CST9: variants seen among roughly 807,000 people sequenced by gnomAD.
The protein encoded by CST9 is cystatin-9.
In CST9, 11 loss-of-function variants were observed where a neutral mutation model predicts 7.7. That is an observed-to-expected ratio of 1.44 (90% CI 0.90 to 2.38). The LOEUF (loss-of-function observed/expected upper bound fraction) is 2.38, where lower values mean the gene tolerates loss of function less well. Among genes scored for constraint, CST9 ranks in the 30% most tolerant of loss-of-function variants. The probability of loss-of-function intolerance (pLI) is 0.00; values close to 1 mark genes in which losing one functional copy is unlikely to be tolerated. For missense variants in CST9, 214 were observed against 199.1 expected (o/e 1.07, Z -0.45); for synonymous variants, 71 against 74.3 (o/e 0.96, Z 0.23).
intron 1 of CST9, among the ~76,000 whole-genome samples, 167 bp downstream of exon 1, chr20:23,605,443 A>G (rs1470688616): frequency 1.3e-5 from 2 of 152,230 alleles, no homozygotes; most frequent in African/African-American, 4.8e-5. Flanking sequence ...TAATTTAAAA[A>G]AAATTTTAAG....
chr20:23,604,274 T>G (rs1193941800), intron 1 of CST9, among the ~76,000 whole-genome samples: 1 of 152,204 alleles, frequency 6.6e-6, no homozygotes, highest in African/African-American at 2.4e-5. Context: ...CCATCTGCCC[T>G]ATTGCAAAGT....
chr20:23,603,165 C>T lies in CST9; in HGVS notation c.*345G>A. 1 of 1,101,346 alleles carries T rather than the reference C, an allele frequency of 9.1e-7. No individual in the cohort carries two copies. The allele number at this position is 1,101,346 out of a possible 1,614,324, so 68.2% of individuals were successfully genotyped here. ...AGCTCGTCCCCTAGAGCAGGTGCTGCAGCTCAGCAGGGCCTAGGAGCGAGG... is the reference window on the plus strand; with the variant it reads ...AGCTCGTCCCCTAGAGCAGGTGCTGTAGCTCAGCAGGGCCTAGGAGCGAGG... On this transcript the variant is annotated 3_prime_UTR_variant, in exon 2 of 2. Transcript: ENST00000376971.
In CST9 at chr20:23,603,462, T is replaced by A; in HGVS notation, c.*48A>T. ...CCCTGGGCTTAATGCCTCACTGGGC[T>A]TCCCACTAAGGCACAAGCAGGGCAG... On this transcript the variant is annotated 3_prime_UTR_variant, in exon 2 of 2. Transcript: ENST00000376971. 6.3e-7 allele frequency: 1 copy of A among 1,598,716 alleles called. No individual in the cohort carries two copies. The highest frequency in any genetic ancestry group is 8.5e-7 in the Non-Finnish European group (1 of 1,171,620).
chr20:23,603,491 G>C lies in CST9; in HGVS notation c.*19C>G. On this transcript the variant is annotated 3_prime_UTR_variant, in exon 2 of 2. Coordinates refer to ENST00000376971, the MANE Select transcript of CST9 (RefSeq NM_001008693.3). ...CACTAAGGCACAAGCAGGGCAGCCT[G>C]GTACAGCCTGCTGTGGGCTCACTTC... 6.2e-7 allele frequency: 1 copy of C among 1,613,030 alleles called. No homozygotes were observed. Among genetic ancestry groups the C allele is most frequent in the Non-Finnish European group, 8.5e-7 (1 of 1,179,418 alleles).
At position 23,605,826 on chromosome 20, in the gene CST9, TGCCCAGG is replaced by T; in HGVS notation, c.32_38del (p.Pro11HisfsTer13). 6.2e-7 allele frequency: 1 copy of T among 1,614,202 alleles called. No individual in the cohort carries two copies. The highest frequency in any genetic ancestry group is 8.5e-7 in the Non-Finnish European group (1 of 1,180,032). On this transcript the variant is annotated frameshift_variant, in exon 1 of 2. Transcript: ENST00000376971. LOFTEE classifies it high-confidence loss of function. Reference sequence around the variant, plus strand: ...GGAAGCCCATGAGAAGCAGTGACAGTGCCCAGGGCATAGCCTTCCTCCTCTGCGGACT... The same window carrying T: ...GGAAGCCCATGAGAAGCAGTGACAGTGCATAGCCTTCCTCCTCTGCGGACT...
chr20:23,603,411 GA>G lies in CST9; in HGVS notation c.*98del. The G allele has an allele frequency of 6.7e-7, 1 of 1,487,354 alleles. No individual in the cohort carries two copies. Among genetic ancestry groups the G allele is most frequent in the Non-Finnish European group, 8.9e-7 (1 of 1,119,412 alleles). The allele number at this position is 1,487,354 out of a possible 1,614,324, so 92.1% of individuals were successfully genotyped here. On this transcript the variant is annotated 3_prime_UTR_variant, in exon 2 of 2. Coordinates refer to ENST00000376971, the MANE Select transcript of CST9 (RefSeq NM_001008693.3). ...TCAGAGGGCAGAATCAGGAAACTCA[GA>G]TTGGCCAGGGGCCTGAAAGTGAACC...
At chr20:23,603,806 A>G in intron 1 of CST9, 72 bp from the exon 2 acceptor site, 4 of 1,481,808 alleles carry the variant, frequency 2.7e-6, no homozygotes, top group Non-Finnish European at 3.7e-6. Flanking sequence ...TGAAGATGCC[A>G]TTTGAGTAGG....
chr20:23,603,129 G>A lies in CST9; in HGVS notation c.*381C>T. ...GAATGGGAAGTTTTCCCAGAGCCAG[G>A]CTTTGCTTGGAGCTCGTCCCCTAGA... On this transcript the variant is annotated 3_prime_UTR_variant, in exon 2 of 2. Coordinates refer to ENST00000376971, the MANE Select transcript of CST9 (RefSeq NM_001008693.3). 2 of 1,047,990 alleles carry A rather than the reference G, an allele frequency of 1.9e-6. No homozygotes were observed. Among genetic ancestry groups the A allele is most frequent in the Non-Finnish European group, 2.3e-6 (2 of 870,402 alleles). 64.9% of individuals were successfully genotyped at this position (1,047,990 alleles called of 1,614,324 possible).
chr20:23,603,122 G>T lies in CST9; in HGVS notation c.*388C>A. ...TGACTAAGAATGGGAAGTTTTCCCAGAGCCAGGCTTTGCTTGGAGCTCGTC... is the reference window on the plus strand; with the variant it reads ...TGACTAAGAATGGGAAGTTTTCCCATAGCCAGGCTTTGCTTGGAGCTCGTC... On this transcript the variant is annotated 3_prime_UTR_variant, in exon 2 of 2. Coordinates refer to ENST00000376971, the MANE Select transcript of CST9 (RefSeq NM_001008693.3). The T allele has an allele frequency of 1.9e-6, 2 of 1,049,138 alleles. No individual in the cohort carries two copies. The highest frequency in any genetic ancestry group is 3.8e-5 in the South Asian group (1 of 26,242). The allele number at this position is 1,049,138 out of a possible 1,614,324, so 65.0% of individuals were successfully genotyped here. A position where few individuals can be genotyped will look rare whatever the true frequency, so the allele number is the denominator to read the frequency against.
chr20:23,605,398 G>C (rs1978733215), intron 1 of CST9, among the ~76,000 whole-genome samples: 1 of 152,054 alleles, frequency 6.6e-6, no homozygotes, highest in African/African-American at 2.4e-5. Context: ...CATGAAGATT[G>C]AAAAATATAT....
Position 23,603,041 on chromosome 20 carries a change from CA to C in CST9, c.*468del. The C allele has an allele frequency of 9.9e-7, 1 of 1,005,800 alleles. No homozygotes were observed. The highest frequency in any genetic ancestry group is 1.2e-6 in the Non-Finnish European group (1 of 842,822). 62.3% of individuals were successfully genotyped at this position (1,005,800 alleles called of 1,614,324 possible). A position where few individuals can be genotyped will look rare whatever the true frequency, so the allele number is the denominator to read the frequency against. ...GGAGAATGTTTTGTCCCAGTGGAAG[CA>C]GTTCCCAGACTTAGGCAATTAGTTA... On this transcript the variant is annotated 3_prime_UTR_variant, in exon 2 of 2. Coordinates refer to ENST00000376971, the MANE Select transcript of CST9 (RefSeq NM_001008693.3).
rs531795996 is a variant in CST9 at position 23,602,894 on chromosome 20, C to A, written c.*616G>T. 18 of 987,902 alleles carry A rather than the reference C, an allele frequency of 1.8e-5. No individual in the cohort carries two copies. In the East Asian group the frequency reaches 1.5e-3, roughly 81 times the overall value. The allele number at this position is 987,902 out of a possible 1,614,324, so 61.2% of individuals were successfully genotyped here. On this transcript the variant is annotated 3_prime_UTR_variant, in exon 2 of 2. Transcript: ENST00000376971. ...GCCTGAGGCCAATCCTGAACTACAA[C>A]GTGATTTGAGGCTCCCTCCCTCCTT... is the stretch of plus-strand genomic sequence containing the variant.
rs544284699 is a variant in CST9, at chr20:23,602,747, G to A, written c.*763C>T. ...AACAAACAGGAAGAGACAGTAGGGC[G>A]GGGTTTGGGGAGGTTCGGGAATCTT... On this transcript the variant is annotated 3_prime_UTR_variant, in exon 2 of 2. Coordinates refer to ENST00000376971, the MANE Select transcript of CST9 (RefSeq NM_001008693.3). 5.8e-5 allele frequency: 57 copies of A among 985,582 alleles called. No homozygotes were observed. Among genetic ancestry groups the A allele is most frequent in the African/African-American group, 4.9e-4 (28 of 57,372 alleles). 61.1% of individuals were successfully genotyped at this position (985,582 alleles called of 1,614,324 possible).
chr20:23,605,534 C>T lies in CST9; in HGVS notation c.255+76G>A, dbSNP rs1304217196. ...GGACTGCTGATGGTGAACCAAGTCT[C>T]CTAGACTAGACATCTTGGTCCCTCA... On this transcript the variant is annotated intron_variant, in intron 1 of 1. Coordinates refer to ENST00000376971, the MANE Select transcript of CST9 (RefSeq NM_001008693.3). 4.6e-6 allele frequency: 7 copies of T among 1,517,476 alleles called. No individual in the cohort carries two copies. In the Admixed American group the frequency reaches 5.4e-5, roughly 12 times the overall value. 94.0% of individuals were successfully genotyped at this position (1,517,476 alleles called of 1,614,324 possible). A position where few individuals can be genotyped will look rare whatever the true frequency, so the allele number is the denominator to read the frequency against.
In CST9 at chr20:23,602,805, C is replaced by T. The variant is rs1978649082; in HGVS notation, c.*705G>A. 2 of 985,596 alleles carry T rather than the reference C, an allele frequency of 2.0e-6. No homozygotes were observed. Among genetic ancestry groups the T allele is most frequent in the Middle Eastern group, 5.2e-4 (1 of 1,936 alleles). The allele number at this position is 985,596 out of a possible 1,614,324, so 61.1% of individuals were successfully genotyped here. ...CTGCCCTCAACACAGGTTCCATCTC[C>T]ACCTTGCCCATTCCTGGGGCCAGCA... On this transcript the variant is annotated 3_prime_UTR_variant, in exon 2 of 2. Coordinates refer to ENST00000376971, the MANE Select transcript of CST9 (RefSeq NM_001008693.3).
Position 23,603,214 on chromosome 20 carries a change from C to G in CST9, c.*296G>C. The G allele has an allele frequency of 8.0e-7, 1 of 1,254,872 alleles. No homozygotes were observed. The highest frequency in any genetic ancestry group is 1.0e-6 in the Non-Finnish European group (1 of 993,398). The allele number at this position is 1,254,872 out of a possible 1,614,324, so 77.7% of individuals were successfully genotyped here. On this transcript the variant is annotated 3_prime_UTR_variant, in exon 2 of 2. Transcript: ENST00000376971. The stretch of plus-strand genomic sequence containing the variant: ...GGGCAGTGGGGCTTCTTCTCAGCCT[C>G]CACCACTTTTGGGTCTAGGGCAGGG...
chr20:23,605,572 T>G (rs371244157), intron 1 of CST9, 38 bp downstream of exon 1: 1 of 1,597,780 alleles, frequency 6.3e-7, no homozygotes, highest in Non-Finnish European at 8.5e-7. Context: ...TAGGGGCAGA[T>G]GGAGAAGGAC....
chr20:23,603,254 GA>G lies in CST9; in HGVS notation c.*255del. 1 of 1,350,696 alleles carries G rather than the reference GA, an allele frequency of 7.4e-7. No homozygotes were observed. The highest frequency in any genetic ancestry group is 9.5e-7 in the Non-Finnish European group (1 of 1,048,812). The allele number at this position is 1,350,696 out of a possible 1,614,324, so 83.7% of individuals were successfully genotyped here. On this transcript the variant is annotated 3_prime_UTR_variant, in exon 2 of 2. Coordinates refer to ENST00000376971, the MANE Select transcript of CST9 (RefSeq NM_001008693.3). ...CTAGGGCAGGGTAGGGAAACCCTGA[GA>G]AAAGTACCCACAGACATTGTCACCA...
At position 23,603,367 on chromosome 20, in the gene CST9, G is replaced by T; in HGVS notation, c.*143C>A. 6.9e-7 allele frequency: 1 copy of T among 1,449,778 alleles called. No homozygotes were observed. Among genetic ancestry groups the T allele is most frequent in the Admixed American group, 2.8e-5 (1 of 36,350 alleles). The allele number at this position is 1,449,778 out of a possible 1,614,324, so 89.8% of individuals were successfully genotyped here. On this transcript the variant is annotated 3_prime_UTR_variant, in exon 2 of 2. Coordinates refer to ENST00000376971, the MANE Select transcript of CST9 (RefSeq NM_001008693.3). ...GTTCTGAAGGCCATGTGGCCCAGGTGCAGGCAGCTGCAATGGTGTCAGAGG... is the reference window on the plus strand; with the variant it reads ...GTTCTGAAGGCCATGTGGCCCAGGTTCAGGCAGCTGCAATGGTGTCAGAGG...
Sources: gnomAD v4.1 joint callset for allele counts (sites outside exome capture counted in the v4.1 genomes callset) on GRCh38, gnomAD v4.1.1 for gene constraint, MANE v1.5 for transcripts, NCBI Gene and HGNC (gene_info 2026-07-23, HGNC 2026-07-21) for gene names.